Variants in RAB11FIP3 observed in about 807,000 individuals in gnomAD.
RAB11FIP3 encodes the protein rab11 family-interacting protein 3.
RAB11FIP3 carries 17 observed loss-of-function variants against 77.8 expected under a neutral mutation model. The observed-to-expected ratio is 0.22, with a 90% CI of 0.15 to 0.33. The LOEUF is 0.33. Ranked by LOEUF, RAB11FIP3 falls within the 10% of genes least tolerant of loss-of-function variation. The pLI is 1.00. For missense variants in RAB11FIP3, 1,005 were observed against 1,011.2 expected (o/e 0.99, Z 0.08); for synonymous variants, 437 against 448.2 (o/e 0.98, Z 0.31).
Position 492,424 on chromosome 16 carries a change from T to C in RAB11FIP3, c.1265+3424T>C, listed in dbSNP as rs866083675. 4.3e-3 allele frequency among the ~76,000 whole-genome samples: 232 copies of C among 53,586 alleles called. 1 individual carries two copies. The highest frequency in any genetic ancestry group is 0.024 in the African/African-American group (189 of 7,864). 35.2% of individuals were successfully genotyped at this position (53,586 alleles called of 152,430 possible). A position where few individuals can be genotyped will look rare whatever the true frequency, so the allele number is the denominator to read the frequency against. On this transcript the variant is annotated intron_variant, in intron 5 of 13. Coordinates refer to ENST00000262305, the MANE Select transcript of RAB11FIP3 (RefSeq NM_014700.4). ...GGAGACCCGAGGCCGCCCAGGGCCC[T>C]CCCCGGGAGACCCGAGGCCGCCCAG...
In RAB11FIP3 at chr16:506,844, G is replaced by A. The variant is rs537934887; in HGVS notation, c.1499+1217G>A. Among the ~76,000 whole-genome samples, 18 of 152,364 alleles carry A rather than the reference G, an allele frequency of 1.2e-4. No individual in the cohort carries two copies. Among genetic ancestry groups the A allele is most frequent in the African/African-American group, 4.3e-4 (18 of 41,584 alleles). ...CTACCAGCCCCTGCTGCAGAGTGGA[G>A]AGGGGCCAGGCATGCTGGTGAAGGG... is the stretch of plus-strand genomic sequence containing the variant. On this transcript the variant is annotated intron_variant, in intron 8 of 13. Transcript: ENST00000262305. This position sits in a 1 kb window ranked among gnomAD's most constrained non-coding sequence, Gnocchi z 4.5.
chr16:497,831 G>C (rs2031253755), intron 6 of RAB11FIP3, among the ~76,000 whole-genome samples: 1 of 151,462 alleles, frequency 6.6e-6, no homozygotes, highest in Non-Finnish European at 1.5e-5. Context: ...TAAGATTTTT[G>C]ACGGCATTGC....
At chr16:429,745 G>A (rs1053545404) in intron 1 of RAB11FIP3, among the ~76,000 whole-genome samples, 2 of 152,056 alleles carry the variant, frequency 1.3e-5, no homozygotes, top group Non-Finnish European at 2.9e-5. Flanking sequence ...TGATCCACCC[G>A]CCTCGGCCTC....
intron 9 of RAB11FIP3, among the ~76,000 whole-genome samples, chr16:518,013 C>T (rs1006459645): frequency 2.0e-5 from 3 of 152,074 alleles, no homozygotes; most frequent in South Asian, 2.1e-4. Context: ...ACCCGGAAGG[C>T]GAAGCTTGCA....
chr16:444,262 G>A (rs1017427287), intron 1 of RAB11FIP3, among the ~76,000 whole-genome samples: 2 of 152,148 alleles, frequency 1.3e-5, no homozygotes, highest in South Asian at 2.1e-4. Flanking sequence ...TAAAGAACAT[G>A]GAAATGCCTA....
intron 1 of RAB11FIP3, among the ~76,000 whole-genome samples, chr16:445,462 AAG>A (rs2055299948): frequency 1.3e-5 from 2 of 152,294 alleles, no homozygotes; most frequent in South Asian, 4.1e-4. Context: ...AAAATAAAAA[AAG>A]ATTGGGTTTT....
rs2032106611 is a variant in RAB11FIP3 at position 510,797 on chromosome 16, C to T, written c.1637C>T (p.Thr546Ile). 6.2e-7 allele frequency: 1 copy of T among 1,612,804 alleles called. No individual in the cohort carries two copies. ...EKSIEIENLQ[T>I]RLQQLDEENS... ...AGCATTGAGATCGAGAACCTGCAGACCAGGTAGGCGGTTCCCAACAGCCCA... is the reference window on the plus strand; with the variant it reads ...AGCATTGAGATCGAGAACCTGCAGATCAGGTAGGCGGTTCCCAACAGCCCA... Residue 546 changes from threonine (T) to isoleucine (I), a missense_variant, in exon 9 of 14, where the codon ACC becomes ATC. Physicochemically the swap from Thr to Ile is moderately conservative, Grantham distance 89 (BLOSUM62 -1). This residue lies in a region of RAB11FIP3 where 433 missense variants were observed against 436.1 expected (regional missense o/e 0.99). Transcript: ENST00000262305.
chr16:492,363 T>TCCGTCCAGAGCCCC (rs2030381714), intron 5 of RAB11FIP3, among the ~76,000 whole-genome samples: 3 of 76,234 alleles, frequency 3.9e-5, no homozygotes, highest in African/African-American at 1.4e-4. Flanking sequence ...AAGAGGGTCT[T>TCCGTCCAGAGCCCC]CCCGGGAGAC....
intron 1 of RAB11FIP3, among the ~76,000 whole-genome samples, chr16:455,703 C>T (rs563589342): frequency 6.6e-6 from 1 of 152,210 alleles, no homozygotes; most frequent in South Asian, 2.1e-4. Flanking sequence ...TCAGGCAATC[C>T]TCCCACCTCA....
intron 5 of RAB11FIP3, among the ~76,000 whole-genome samples, chr16:493,139 T>C (rs2030741714): frequency 6.6e-6 from 1 of 151,390 alleles, no homozygotes; most frequent in South Asian, 2.1e-4. Flanking sequence ...TAGTTCCAGC[T>C]ACTTGGGAGG....
At position 471,153 on chromosome 16, in the gene RAB11FIP3, T is replaced by C. The variant is rs1444765715; in HGVS notation, c.809-142T>C. 5 of 662,156 alleles carry C rather than the reference T, an allele frequency of 7.6e-6. No homozygotes were observed. Among genetic ancestry groups the C allele is most frequent in the Non-Finnish European group, 1.1e-5 (4 of 373,528 alleles). The allele number at this position is 662,156 out of a possible 1,614,324, so 41.0% of individuals were successfully genotyped here. Reference sequence around the variant, plus strand: ...GGATTTCTCATGCTCACTCCCTTGCTTGTCTTGACCCCCCCCAGGGCCCCC... The same window carrying C: ...GGATTTCTCATGCTCACTCCCTTGCCTGTCTTGACCCCCCCCAGGGCCCCC... On this transcript the variant is annotated intron_variant, in intron 2 of 13. Transcript: ENST00000262305. The surrounding 1 kb of genome is among the most constrained non-coding windows in gnomAD (Gnocchi z 4.4).
At chr16:494,101 A>C (rs2141822369) in intron 5 of RAB11FIP3, among the ~76,000 whole-genome samples, 1 of 31,232 alleles carries the variant, frequency 3.2e-5, no homozygotes, top group Non-Finnish European at 6.5e-5. Context: ...ACAGGGTTTC[A>C]CCATGTCTCA....
chr16:448,282 A>C (rs1296318307), intron 1 of RAB11FIP3, among the ~76,000 whole-genome samples: 6 of 149,030 alleles, frequency 4.0e-5, no homozygotes, highest in Non-Finnish European at 8.9e-5. Context: ...GCGCCATTGC[A>C]CTCTAGCCTG....
chr16:520,211 C>G lies in RAB11FIP3; in HGVS notation c.1950C>G (p.Gly650=). The G allele has an allele frequency of 1.3e-6, 2 of 1,545,664 alleles. No individual in the cohort carries two copies. The highest frequency in any genetic ancestry group is 2.4e-5 in the South Asian group (2 of 84,310). Reference sequence around the variant, plus strand: ...GGCGGGGCCGCAGCAGCAGCATGGGCCTGCAGGAGTACCACAGCCGCGCCC... The same window carrying G: ...GGCGGGGCCGCAGCAGCAGCATGGGGCTGCAGGAGTACCACAGCCGCGCCC... The part of the protein sequence containing the change: ...EQRRGRSSSM[G]LQEYHSRARE... The change falls in exon 12 of 14, where the codon GGC becomes GGG. Residue 650 remains glycine (G), a synonymous_variant. Transcript: ENST00000262305.
Position 444,894 on chromosome 16 carries a change from T to C in RAB11FIP3, c.715-16510T>C, listed in dbSNP as rs530852420. Among the ~76,000 whole-genome samples the C allele has an allele frequency of 6.0e-3, 902 of 150,794 alleles. 7 individuals carry two copies. Among genetic ancestry groups the C allele is most frequent in the African/African-American group, 0.021 (855 of 40,992 alleles). On this transcript the variant is annotated intron_variant, in intron 1 of 13. Coordinates refer to ENST00000262305, the MANE Select transcript of RAB11FIP3 (RefSeq NM_014700.4). ...CTTCGGGAGGCCAAGGCAGGTGGAA[T>C]ACGAAGTCAGGGGACCGAGCCCATG...
chr16:480,011 G>A (rs1475235358), intron 3 of RAB11FIP3, among the ~76,000 whole-genome samples: 1 of 152,060 alleles, frequency 6.6e-6, no homozygotes, highest in Non-Finnish European at 1.5e-5. Flanking sequence ...ATTCAGCCAG[G>A]CACGGTGGCT....
intron 3 of RAB11FIP3, among the ~76,000 whole-genome samples, chr16:479,331 G>A (rs142991451): frequency 6.6e-6 from 1 of 152,178 alleles, no homozygotes; most frequent in East Asian, 1.9e-4. Flanking sequence ...GTTTGAAGCT[G>A]CAGTGAGCCA....
chr16:492,360 T>TCCCGGGGGACCCGAGGCCGCCCAGAGC, intron 5 of RAB11FIP3, among the ~76,000 whole-genome samples: 1 of 25,628 alleles, frequency 3.9e-5, no homozygotes, highest in Admixed American at 4.4e-4. Context: ...TTGAAGAGGG[T>TCCCGGGGGACCCGAGGCCGCCCAGAGC]CTTCCCGGGA....
chr16:487,715 C>T (rs2056186402), intron 4 of RAB11FIP3, among the ~76,000 whole-genome samples: 1 of 152,152 alleles, frequency 6.6e-6, no homozygotes, highest in South Asian at 2.1e-4. Flanking sequence ...CGCTAGGGCA[C>T]AGGAGCCGCT....
Sources: allele counts gnomAD v4.1 joint callset (sites outside exome capture counted in the v4.1 genomes callset), GRCh38; gene constraint gnomAD v4.1.1; regional missense constraint gnomAD v4.1.1; non-coding constraint Gnocchi (gnomAD v3.1); transcripts MANE v1.5; gene names NCBI Gene and HGNC (gene_info 2026-07-23, HGNC 2026-07-21).